The following GRM5 variants were observed in gnomAD, a reference collection of about 807,000 sequenced individuals.
The protein encoded by GRM5 is metabotropic glutamate receptor 5.
In GRM5, 19 loss-of-function variants were observed where a neutral mutation model predicts 83.1. The ratio of observed to expected loss-of-function variants is 0.23; its 90% CI spans 0.16 to 0.34. The LOEUF (loss-of-function observed/expected upper bound fraction) is 0.34. Among genes scored for constraint, GRM5 ranks in the 10% least tolerant of loss-of-function variants. The probability of loss-of-function intolerance (pLI) is 1.00; values close to 1 mark genes in which losing one functional copy is unlikely to be tolerated. For synonymous variants in GRM5, 675 were observed against 633.6 expected, an observed-to-expected ratio of 1.07 and a Z score of -0.98; for missense variants, 1,160 against 1,588.3, an observed-to-expected ratio of 0.73 and a Z score of 4.58.
At chr11:88,801,270 A>ATT (rs1008549815) in intron 3 of GRM5, among the ~76,000 whole-genome samples, 12 of 152,156 alleles carry the variant, frequency 7.9e-5, no homozygotes, top group African/African-American at 2.9e-4. Flanking sequence ...TTGTTCCTAT[A>ATT]TGTCTCCAGA....
chr11:88,986,039 G>T (rs1311555568), intron 2 of GRM5, among the ~76,000 whole-genome samples: 1 of 151,996 alleles, frequency 6.6e-6, no homozygotes, highest in Non-Finnish European at 1.5e-5. Context: ...CCTAAAAAAT[G>T]AAAAATTATA....
intron 8 of GRM5, among the ~76,000 whole-genome samples, chr11:88,544,540 C>T (rs934473206): frequency 2.6e-5 from 4 of 152,180 alleles, no homozygotes; most frequent in African/African-American, 4.8e-5. Flanking sequence ...GCTTTCTCCC[C>T]ACTCCTGTGA....
chr11:88,968,530 A>AC (rs1939065660), intron 2 of GRM5, among the ~76,000 whole-genome samples: 1 of 152,006 alleles, frequency 6.6e-6, no homozygotes, highest in African/African-American at 2.4e-5. Context: ...CAAAAATAAA[A>AC]ATAAAAAACT....
intron 3 of GRM5, among the ~76,000 whole-genome samples, chr11:88,831,262 C>A (rs925607094): frequency 6.6e-6 from 1 of 152,212 alleles, no homozygotes; most frequent in Non-Finnish European, 1.5e-5. Flanking sequence ...AAGTACAAGC[C>A]ATTGGCAGCA....
chr11:88,845,124 T>A (rs1353524880), intron 3 of GRM5, among the ~76,000 whole-genome samples: 2 of 152,196 alleles, frequency 1.3e-5, no homozygotes, highest in African/African-American at 4.8e-5. Flanking sequence ...ATGCTACAGA[T>A]AAATACCACT....
chr11:88,659,476 G>C (rs539480016), intron 3 of GRM5, among the ~76,000 whole-genome samples: 3 of 152,122 alleles, frequency 2.0e-5, no homozygotes, highest in Non-Finnish European at 4.4e-5. Flanking sequence ...TTTGTTTGCT[G>C]TGCAATAGCT....
intron 3 of GRM5, among the ~76,000 whole-genome samples, chr11:88,735,752 G>T (rs1046454305): frequency 2.0e-5 from 3 of 151,986 alleles, no homozygotes; most frequent in Non-Finnish European, 4.4e-5. Flanking sequence ...AATCTGTGAA[G>T]TCACCATGTC....
In GRM5 at chr11:88,653,327, G is replaced by A; in HGVS notation, c.988C>T (p.Gln330Ter). Residue 330 changes from glutamine (Q) to a stop codon, truncating the protein, a stop_gained, in exon 4 of 10, where the codon CAA (glutamine) becomes TAA (stop). Coordinates refer to ENST00000305447, the MANE Select transcript of GRM5 (RefSeq NM_001143831.3). LOFTEE classifies it high-confidence loss of function. ...EAVGGITIKL[Q>*]SPDVKWFDDY... ...TCAAACCACTTGACATCGGGAGATTGGAGCTTGATTGTGATGCCACCAACA... is the reference window on the plus strand; with the variant it reads ...TCAAACCACTTGACATCGGGAGATTAGAGCTTGATTGTGATGCCACCAACA... 6.2e-7 allele frequency: 1 copy of A among 1,613,004 alleles called. No individual in the cohort carries two copies. The highest frequency in any genetic ancestry group is 8.5e-7 in the Non-Finnish European group (1 of 1,179,286).
intron 3 of GRM5, among the ~76,000 whole-genome samples, chr11:88,653,735 A>G (rs757945495): frequency 3.9e-5 from 6 of 152,066 alleles, no homozygotes; most frequent in Non-Finnish European, 7.4e-5. Flanking sequence ...TCACATTTTT[A>G]ATGGACATTT....
At chr11:88,861,331 T>C (rs1944558350) in intron 2 of GRM5, among the ~76,000 whole-genome samples, 1 of 152,154 alleles carries the variant, frequency 6.6e-6, no homozygotes. Context: ...TCAAATACAC[T>C]AGGCTTTTTT....
At chr11:88,525,144 A>C (rs1192576985) in intron 9 of GRM5, among the ~76,000 whole-genome samples, 165 bp downstream of exon 9, 1 of 152,184 alleles carries the variant, frequency 6.6e-6, no homozygotes, top group Non-Finnish European at 1.5e-5. Context: ...TGAGGGTGTC[A>C]TAGGTTTTGC....
intron 2 of GRM5, among the ~76,000 whole-genome samples, chr11:88,986,202 A>G (rs1285401156): frequency 1.3e-5 from 2 of 152,180 alleles, no homozygotes; most frequent in East Asian, 3.9e-4. Context: ...ATATACAACA[A>G]CTAATATAAT....
At chr11:88,669,458 A>T (rs1442947919) in intron 3 of GRM5, among the ~76,000 whole-genome samples, 2 of 152,130 alleles carry the variant, frequency 1.3e-5, no homozygotes, top group African/African-American at 4.8e-5. Flanking sequence ...TATTTTATTG[A>T]AGGTTCTAGC....
At chr11:88,992,330 C>G (rs1940006158) in intron 2 of GRM5, among the ~76,000 whole-genome samples, 1 of 151,668 alleles carries the variant, frequency 6.6e-6, no homozygotes. Context: ...CCATCTCATA[C>G]CAGTTAGAAT....
chr11:88,591,095 C>T (rs1247212039), intron 6 of GRM5, among the ~76,000 whole-genome samples: 1 of 152,154 alleles, frequency 6.6e-6, no homozygotes, highest in Non-Finnish European at 1.5e-5. Flanking sequence ...AAGTTAAGAA[C>T]TTCTGCTCCC....
chr11:88,895,175 A>T (rs1255646385), intron 2 of GRM5, among the ~76,000 whole-genome samples: 3 of 151,992 alleles, frequency 2.0e-5, no homozygotes, highest in Non-Finnish European at 4.4e-5. Flanking sequence ...TAAACTAATT[A>T]AAAAAAGACT....
At chr11:88,933,187 A>AT (rs57318577) in intron 2 of GRM5, among the ~76,000 whole-genome samples, 50,025 of 105,938 alleles carry the variant, frequency 0.47, 13,975 homozygotes, top group South Asian at 0.62. Context: ...TATTTGGGGC[A>AT]TTTTTTTTTT....
chr11:88,706,620 G>A (rs1350345928), intron 3 of GRM5, among the ~76,000 whole-genome samples: 1 of 152,044 alleles, frequency 6.6e-6, no homozygotes, highest in Non-Finnish European at 1.5e-5. Flanking sequence ...TGGATGGATG[G>A]TCACCTTATT....
intron 2 of GRM5, among the ~76,000 whole-genome samples, chr11:88,963,101 A>AC (rs1565311306): frequency 6.6e-6 from 1 of 152,184 alleles, no homozygotes; most frequent in Non-Finnish European, 1.5e-5. Context: ...AAACAAACAA[A>AC]AAACAAACAA....
Sources: gnomAD v4.1 joint callset for allele counts (sites outside exome capture counted in the v4.1 genomes callset) on GRCh38, gnomAD v4.1.1 for gene constraint, MANE v1.5 for transcripts, NCBI Gene and HGNC (gene_info 2026-07-23, HGNC 2026-07-21) for gene names.